Variants in LGR5 observed in about 807,000 individuals in gnomAD.
LGR5 encodes the protein leucine rich repeat containing G protein-coupled receptor 5, also known as leucine-rich repeat-containing G protein-coupled receptor 5.
Under a neutral mutation model 76.7 loss-of-function variants are expected in LGR5, and 54 were observed. The ratio of observed to expected loss-of-function variants is 0.70; its 90% CI spans 0.57 to 0.88. The LOEUF (loss-of-function observed/expected upper bound fraction) is 0.88, where lower values mean the gene tolerates loss of function less well. Ranked by LOEUF, LGR5 falls within the 40% of genes least tolerant of loss-of-function variation. The probability of loss-of-function intolerance (pLI) is 0.00; values close to 1 mark genes in which losing one functional copy is unlikely to be tolerated. For missense variants in LGR5, 1,078 were observed against 1,073.3 expected, an observed-to-expected ratio of 1.00 and a Z score of -0.06; for synonymous variants, 406 against 421.9, an observed-to-expected ratio of 0.96 and a Z score of 0.46.
intron 4 of LGR5, 144 bp downstream of exon 4, chr12:71,535,330 T>G (rs1876532502): frequency 1.6e-6 from 1 of 625,548 alleles, no homozygotes; most frequent in Admixed American, 2.5e-5. Context: ...GAGTAACAAC[T>G]CTTCATAGCC....
intron 4 of LGR5, among the ~76,000 whole-genome samples, chr12:71,537,937 C>CT (rs1004396926): frequency 6.0e-5 from 9 of 151,136 alleles, no homozygotes; most frequent in South Asian, 2.1e-4. Flanking sequence ...CATGGTTTCC[C>CT]TTTTTTTTTC....
intron 5 of LGR5, among the ~76,000 whole-genome samples, chr12:71,555,912 G>A (rs903039224): frequency 1.3e-5 from 2 of 152,178 alleles, no homozygotes; most frequent in Non-Finnish European, 2.9e-5. Context: ...TAGCAAAGAT[G>A]TGGAATCAGC....
chr12:71,442,909 T>C (rs777506705), intron 1 of LGR5, among the ~76,000 whole-genome samples: 5 of 152,226 alleles, frequency 3.3e-5, no homozygotes, highest in Non-Finnish European at 5.9e-5. Context: ...AGGAATAACT[T>C]CCCTTTGATG....
At chr12:71,559,335 T>C (rs1877939640) in intron 6 of LGR5, among the ~76,000 whole-genome samples, 1 of 152,202 alleles carries the variant, frequency 6.6e-6, no homozygotes, top group African/African-American at 2.4e-5. Flanking sequence ...CCCTTTCTTT[T>C]TTAGACGCCC....
In LGR5 at chr12:71,572,847, C is replaced by T. The variant is rs1878674701; in HGVS notation, c.1137-3C>T. 2 of 1,611,118 alleles carry T rather than the reference C, an allele frequency of 1.2e-6. No homozygotes were observed. On this transcript the variant is annotated splice_polypyrimidine_tract_variant and splice_region_variant and intron_variant, in intron 12 of 17. Coordinates refer to ENST00000266674, the MANE Select transcript of LGR5 (RefSeq NM_003667.4). ...ATCAATCTTTGGAACCCTGTCATTT[C>T]AGTGACCTAAGACATAATGAAATCT...
intron 1 of LGR5, among the ~76,000 whole-genome samples, chr12:71,478,684 A>G (rs1247149510): frequency 6.6e-6 from 1 of 152,224 alleles, no homozygotes; most frequent in Non-Finnish European, 1.5e-5. Context: ...CAGTATGCAT[A>G]GGATTATTTT....
intron 1 of LGR5, among the ~76,000 whole-genome samples, chr12:71,448,080 CACAA>C (rs1030058225): frequency 7.3e-6 from 1 of 136,494 alleles, no homozygotes; most frequent in African/African-American, 2.9e-5. Context: ...CTCACACACA[CACAA>C]ACACACACAC....
intron 1 of LGR5, among the ~76,000 whole-genome samples, chr12:71,453,962 G>C (rs2137214505): frequency 6.6e-6 from 1 of 152,142 alleles, no homozygotes; most frequent in African/African-American, 2.4e-5. Flanking sequence ...TGTAGGAGAG[G>C]GGATTCAAAG....
chr12:71,482,270 C>T (rs1592477909), intron 1 of LGR5, among the ~76,000 whole-genome samples: 1 of 152,124 alleles, frequency 6.6e-6, no homozygotes, highest in Non-Finnish European at 1.5e-5. Flanking sequence ...AACAAAGTAC[C>T]ACAGACTGGG....
At chr12:71,443,198 T>C (rs1478130829) in intron 1 of LGR5, among the ~76,000 whole-genome samples, 1 of 152,268 alleles carries the variant, frequency 6.6e-6, no homozygotes, top group East Asian at 1.9e-4. Context: ...TACCACAATC[T>C]GAGAGCTGGC....
At chr12:71,541,712 A>G (rs536774458) in intron 4 of LGR5, among the ~76,000 whole-genome samples, 7 of 152,304 alleles carry the variant, frequency 4.6e-5, no homozygotes, top group African/African-American at 1.7e-4. Context: ...AAACCTCATG[A>G]AGTAGGTGCT....
chr12:71,554,868 T>C (rs1369104782), intron 5 of LGR5, among the ~76,000 whole-genome samples: 3 of 152,232 alleles, frequency 2.0e-5, no homozygotes, highest in African/African-American at 7.2e-5. Flanking sequence ...ATCAGTTTTC[T>C]TTAAAAATGT....
At position 71,446,051 on chromosome 12, in the gene LGR5, A is replaced by T. The variant is rs571764763; in HGVS notation, c.212+5759A>T. Among the ~76,000 whole-genome samples, 31 of 152,204 alleles carry T rather than the reference A, an allele frequency of 2.0e-4. No individual in the cohort carries two copies. The South Asian group carries it at 5.4e-3, about 26-fold the overall frequency. ...GCTGTGAGCTCCTCCAGGGTAGGGC[A>T]TTTTCCACTTTATACCCCAAGTGCC... On this transcript the variant is annotated intron_variant, in intron 1 of 17. Transcript: ENST00000266674.
chr12:71,561,668 T>G (rs1274229944), intron 7 of LGR5, 113 bp from the exon 8 acceptor site: 1 of 511,654 alleles, frequency 2.0e-6, no homozygotes, highest in African/African-American at 2.0e-5. Flanking sequence ...GAATTTAATA[T>G]TGTCCTCTGG....
At chr12:71,507,644 C>T (rs1874920693) in intron 2 of LGR5, among the ~76,000 whole-genome samples, 1 of 152,110 alleles carries the variant, frequency 6.6e-6, no homozygotes, top group Non-Finnish European at 1.5e-5. Context: ...CATGTAAGTA[C>T]ATATACTTAA....
At chr12:71,517,581 G>A (rs1393028368) in intron 2 of LGR5, among the ~76,000 whole-genome samples, 1 of 152,212 alleles carries the variant, frequency 6.6e-6, no homozygotes, top group African/African-American at 2.4e-5. Context: ...ACAGCAGTGA[G>A]AGCTGATAAA....
chr12:71,469,460 G>C (rs1873001584), intron 1 of LGR5, among the ~76,000 whole-genome samples: 1 of 152,210 alleles, frequency 6.6e-6, no homozygotes, highest in Non-Finnish European at 1.5e-5. Flanking sequence ...GCCTGCCTCC[G>C]CGTGGGCGCT....
chr12:71,484,508 A>G (rs1873744410), intron 1 of LGR5, among the ~76,000 whole-genome samples: 1 of 152,170 alleles, frequency 6.6e-6, no homozygotes, highest in Non-Finnish European at 1.5e-5. Flanking sequence ...AACAAACACC[A>G]AGAGCGCTTA....
At chr12:71,456,225 A>C (rs1168728674) in intron 1 of LGR5, among the ~76,000 whole-genome samples, 1 of 152,188 alleles carries the variant, frequency 6.6e-6, no homozygotes, top group Non-Finnish European at 1.5e-5. Context: ...AAAAGGAAAA[A>C]ATACAATATT....
Sources: allele counts gnomAD v4.1 joint callset (sites outside exome capture counted in the v4.1 genomes callset), GRCh38; gene constraint gnomAD v4.1.1; transcripts MANE v1.5; gene names NCBI Gene and HGNC (gene_info 2026-07-23, HGNC 2026-07-21).